The following ZMYM4 variants were observed in gnomAD, a reference collection of about 807,000 sequenced individuals.
The protein encoded by ZMYM4 is zinc finger MYM-type containing 4, also known as zinc finger MYM-type protein 4.
Under a neutral mutation model 183.2 loss-of-function variants are expected in ZMYM4, and 31 were observed. That is an observed-to-expected ratio of 0.17 (90% CI 0.13 to 0.23). The LOEUF is 0.23. ZMYM4 is among the 10% of genes least tolerant of loss of function. The pLI is 1.00. For missense variants in ZMYM4, 1,273 were observed against 1,840.3 expected (o/e 0.69, Z 5.64); for synonymous variants, 592 against 631.2 (o/e 0.94, Z 0.93).
intron 5 of ZMYM4, among the ~76,000 whole-genome samples, chr1:35,364,350 G>A (rs1457831282): frequency 6.6e-6 from 1 of 152,068 alleles, no homozygotes; most frequent in East Asian, 1.9e-4. Flanking sequence ...AGTCCTTTTT[G>A]TTGTCAGCAA....
chr1:35,337,870 T>C (rs1008357861), intron 2 of ZMYM4, among the ~76,000 whole-genome samples: 1 of 152,146 alleles, frequency 6.6e-6, no homozygotes, highest in Non-Finnish European at 1.5e-5. Context: ...ACTCAGGAGG[T>C]GGAGGTTGCA....
chr1:35,323,330 C>T (rs758259017), intron 1 of ZMYM4, among the ~76,000 whole-genome samples: 2 of 151,948 alleles, frequency 1.3e-5, no homozygotes, highest in African/African-American at 2.4e-5. Context: ...GTTCTGCTGT[C>T]AAGGGGAAGA....
chr1:35,270,419 C>T (rs1305517102), intron 1 of ZMYM4, among the ~76,000 whole-genome samples: 5 of 152,138 alleles, frequency 3.3e-5, no homozygotes, highest in African/African-American at 4.8e-5. Context: ...TATTATAAAA[C>T]TTACGGGGAG....
rs201843549 is a variant in ZMYM4 at position 35,284,935 on chromosome 1, C to G, written c.39+15850C>G. ...AGTATTATTACATGGGGGGTTAAGG[C>G]TTCAACATATGAATCTGGGGAGGAG... On this transcript the variant is annotated intron_variant, in intron 1 of 29. Transcript: ENST00000314607. Among the ~76,000 whole-genome samples, 21 of 152,290 alleles carry G rather than the reference C, an allele frequency of 1.4e-4. No individual in the cohort carries two copies. The East Asian group carries it at 4.0e-3, about 29-fold the overall frequency.
Position 35,299,801 on chromosome 1 carries a change from T to C in ZMYM4, c.40-25559T>C, listed in dbSNP as rs1042332690. On this transcript the variant is annotated intron_variant, in intron 1 of 29. Coordinates refer to ENST00000314607, the MANE Select transcript of ZMYM4 (RefSeq NM_005095.3). ...GATTCTTTCTTTCTTTCTTTTCTTT[T>C]TTTTTTTTTATGAGACAGAGTCTTG... Among the ~76,000 whole-genome samples the C allele has an allele frequency of 2.0e-4, 30 of 152,000 alleles. 1 individual carries two copies. Among genetic ancestry groups the C allele is most frequent in the Admixed American group, 1.7e-3 (26 of 15,266 alleles).
In ZMYM4 at chr1:35,268,952, G is replaced by A. The variant is rs1639443512; in HGVS notation, c.-95G>A. 4.6e-6 allele frequency: 6 copies of A among 1,311,900 alleles called. No individual in the cohort carries two copies. The highest frequency in any genetic ancestry group is 9.8e-7 in the Non-Finnish European group (1 of 1,023,932). The allele number at this position is 1,311,900 out of a possible 1,614,324, so 81.3% of individuals were successfully genotyped here. On this transcript the variant is annotated 5_prime_UTR_variant, in exon 1 of 30. Transcript: ENST00000314607. ...GCCGGGTCCGGGGAAGCTGCCGCGA[G>A]GCGGCCGTGCCTGCAGTGTGGGCGG... is the stretch of plus-strand genomic sequence containing the variant.
At chr1:35,382,179 C>CAT (rs1197914689) in intron 9 of ZMYM4, among the ~76,000 whole-genome samples, 1 of 117,380 alleles carries the variant, frequency 8.5e-6, no homozygotes, top group Non-Finnish European at 1.6e-5. Context: ...TATATACACA[C>CAT]ATACACACAC....
chr1:35,364,839 TCTTTA>T (rs760521602), intron 5 of ZMYM4, among the ~76,000 whole-genome samples: 11 of 152,212 alleles, frequency 7.2e-5, no homozygotes, highest in African/African-American at 9.6e-5. Flanking sequence ...GGTCCTAATT[TCTTTA>T]CTTTACTATA....
At chr1:35,350,241 A>T (rs1454449982) in intron 2 of ZMYM4, among the ~76,000 whole-genome samples, 1 of 151,632 alleles carries the variant, frequency 6.6e-6, no homozygotes, top group East Asian at 1.9e-4. Flanking sequence ...AAAAAAAAAA[A>T]AGTAGCAATC....
chr1:35,414,476 A>G (rs563356119), intron 27 of ZMYM4, among the ~76,000 whole-genome samples: 1 of 152,342 alleles, frequency 6.6e-6, no homozygotes, highest in South Asian at 2.1e-4. Context: ...ACCAGATGTC[A>G]TCAGACAAGT....
At chr1:35,394,003 T>C (rs1284713905) in intron 18 of ZMYM4, among the ~76,000 whole-genome samples, 1 of 152,012 alleles carries the variant, frequency 6.6e-6, no homozygotes. Flanking sequence ...AATGTAATAT[T>C]ATAGAATAAG....
chr1:35,270,413 A>G (rs1162029354), intron 1 of ZMYM4, among the ~76,000 whole-genome samples: 4 of 152,202 alleles, frequency 2.6e-5, no homozygotes, highest in African/African-American at 7.2e-5. Context: ...CGTCAATATT[A>G]TAAAACTTAC....
intron 1 of ZMYM4, among the ~76,000 whole-genome samples, chr1:35,321,526 A>G (rs1642281423): frequency 6.6e-6 from 1 of 152,008 alleles, no homozygotes; most frequent in African/African-American, 2.4e-5. Flanking sequence ...AATTAGGGCT[A>G]GATTTTGGAG....
chr1:35,378,905 C>T (rs1049406447), intron 7 of ZMYM4, among the ~76,000 whole-genome samples: 10 of 152,188 alleles, frequency 6.6e-5, no homozygotes, highest in East Asian at 3.8e-4. Flanking sequence ...TAGCTTCTTT[C>T]GTTAAACCGT....
intron 24 of ZMYM4, 22 bp from the exon 25 acceptor site, chr1:35,405,349 CTT>C (rs1558184271): frequency 6.3e-7 from 1 of 1,583,410 alleles, no homozygotes. Context: ...TTAAACTTTT[CTT>C]TTATGTTTCT....
intron 26 of ZMYM4, 146 bp downstream of exon 26, chr1:35,408,305 G>A (rs376918732): frequency 1.3e-5 from 13 of 976,034 alleles, no homozygotes; most frequent in South Asian, 5.1e-5. Flanking sequence ...ATTGGAAACC[G>A]CTCAAGTGTT....
At chr1:35,340,031 C>G (rs995198749) in intron 2 of ZMYM4, among the ~76,000 whole-genome samples, 1 of 152,096 alleles carries the variant, frequency 6.6e-6, no homozygotes, top group African/African-American at 2.4e-5. Context: ...GGGACACATC[C>G]CTGAAAATTT....
intron 1 of ZMYM4, among the ~76,000 whole-genome samples, chr1:35,290,580 C>G (rs1294552663): frequency 6.6e-6 from 1 of 152,050 alleles, no homozygotes; most frequent in Non-Finnish European, 1.5e-5. Context: ...GAGGTGCATG[C>G]CACCATGCCT....
chr1:35,307,518 T>A (rs892546958), intron 1 of ZMYM4, among the ~76,000 whole-genome samples: 3 of 145,552 alleles, frequency 2.1e-5, no homozygotes, highest in African/African-American at 2.5e-5. Flanking sequence ...TTTAATTATT[T>A]TTATTATTAT....
Sources: allele counts gnomAD v4.1 joint callset (sites outside exome capture counted in the v4.1 genomes callset), GRCh38; gene constraint gnomAD v4.1.1; transcripts MANE v1.5; gene names NCBI Gene and HGNC (gene_info 2026-07-23, HGNC 2026-07-21).